The following TMPRSS11A variants were observed in gnomAD, a reference collection of about 807,000 sequenced individuals.
The protein encoded by TMPRSS11A is transmembrane protease serine 11A.
TMPRSS11A carries 53 observed loss-of-function variants against 58.9 expected under a neutral mutation model. That is an observed-to-expected ratio of 0.90 (90% CI 0.72 to 1.13). TMPRSS11A has a LOEUF of 1.13. Among genes scored for constraint, TMPRSS11A ranks in the 50% most tolerant of loss-of-function variants. The pLI, the probability that TMPRSS11A is intolerant of heterozygous loss-of-function variation, is 0.00. For synonymous variants in TMPRSS11A, 167 were observed against 169.8 expected (o/e 0.98, Z 0.13); for missense variants, 493 against 499.3 (o/e 0.99, Z 0.12).
intron 1 of TMPRSS11A, among the ~76,000 whole-genome samples, chr4:67,952,336 T>C (rs1461921715): frequency 6.6e-6 from 1 of 152,206 alleles, no homozygotes; most frequent in Admixed American, 6.5e-5. Context: ...AGATTCTTTT[T>C]CCTTCTTCAG....
intron 1 of TMPRSS11A, among the ~76,000 whole-genome samples, chr4:67,960,718 T>C (rs916904294): frequency 6.6e-5 from 10 of 152,178 alleles, no homozygotes; most frequent in African/African-American, 2.4e-4. Context: ...GAATTGCTCA[T>C]GGCAAATTAA....
chr4:67,928,424 T>G (rs1476158333), intron 5 of TMPRSS11A, among the ~76,000 whole-genome samples: 1 of 152,206 alleles, frequency 6.6e-6, no homozygotes, highest in Non-Finnish European at 1.5e-5. Flanking sequence ...TAAGCTGAAG[T>G]TTAGAAGCTG....
At chr4:67,916,684 G>A (rs1720156096) in intron 8 of TMPRSS11A, among the ~76,000 whole-genome samples, 2 of 152,016 alleles carry the variant, frequency 1.3e-5, no homozygotes, top group South Asian at 2.1e-4. Context: ...ACAATTAGCC[G>A]GGCATGGTGG....
intron 9 of TMPRSS11A, among the ~76,000 whole-genome samples, chr4:67,913,641 G>A (rs1407810039): frequency 6.6e-6 from 1 of 152,100 alleles, no homozygotes; most frequent in Non-Finnish European, 1.5e-5. Context: ...CCGTGGTATG[G>A]ACCTTTTGTT....
chr4:67,918,388 T>C (rs1258339936), intron 8 of TMPRSS11A, among the ~76,000 whole-genome samples: 1 of 152,206 alleles, frequency 6.6e-6, no homozygotes, highest in African/African-American at 2.4e-5. Context: ...CTCTACACTA[T>C]TCTTATTCAC....
In TMPRSS11A at chr4:67,929,992, GA is replaced by G; in HGVS notation, c.368del (p.Phe123SerfsTer9). On this transcript the variant is annotated frameshift_variant, in exon 5 of 10. Transcript: ENST00000508048. LOFTEE classifies it high-confidence loss of function. ...VKVDVIMVFQFPSTEQRAVRE... is the reference protein window; with the variant it reads ...VKVDVIMVFQXPSTEQRAVRE... Reference sequence around the variant, plus strand: ...TTACTGCCCTTTGTTCAGTAGAGGGGAACTGGAACACCATAATGACATCTAC... The same window carrying G: ...TTACTGCCCTTTGTTCAGTAGAGGGGACTGGAACACCATAATGACATCTAC... 1 of 1,613,474 alleles carries G rather than the reference GA, an allele frequency of 6.2e-7. No individual in the cohort carries two copies. Among genetic ancestry groups the G allele is most frequent in the South Asian group, 1.1e-5 (1 of 91,000 alleles).
chr4:67,939,272 T>C, intron 3 of TMPRSS11A, among the ~76,000 whole-genome samples: 1 of 152,210 alleles, frequency 6.6e-6, no homozygotes, highest in East Asian at 1.9e-4. Flanking sequence ...TTTTGTATCC[T>C]GAAACTTTAC....
intron 1 of TMPRSS11A, among the ~76,000 whole-genome samples, chr4:67,950,614 C>A (rs1482676604): frequency 6.6e-6 from 1 of 152,150 alleles, no homozygotes; most frequent in Non-Finnish European, 1.5e-5. Context: ...AGGGGGGAAT[C>A]TTGGGGGCCC....
At chr4:67,911,626 G>C in intron 9 of TMPRSS11A, 123 bp from the exon 10 acceptor site, 1 of 569,382 alleles carries the variant, frequency 1.8e-6, no homozygotes, top group Non-Finnish European at 2.9e-6. Flanking sequence ...TATCAACACA[G>C]AATAATTAAT....
intron 1 of TMPRSS11A, among the ~76,000 whole-genome samples, chr4:67,948,532 A>G (rs1384284291): frequency 6.6e-6 from 1 of 152,206 alleles, no homozygotes; most frequent in Non-Finnish European, 1.5e-5. Context: ...TAAGAAGATA[A>G]TAGTTTTGGC....
intron 3 of TMPRSS11A, among the ~76,000 whole-genome samples, chr4:67,937,116 A>G (rs1485716942): frequency 3.3e-5 from 5 of 152,210 alleles, no homozygotes; most frequent in Admixed American, 2.0e-4. Context: ...TGATAAACTA[A>G]ATAGATTCTC....
At chr4:67,957,695 T>C (rs2109772590) in intron 1 of TMPRSS11A, among the ~76,000 whole-genome samples, 1 of 152,168 alleles carries the variant, frequency 6.6e-6, no homozygotes, top group African/African-American at 2.4e-5. Flanking sequence ...TGAGGAGAAA[T>C]TCAAGCCGGC....
chr4:67,922,121 T>G (rs1053398190), intron 7 of TMPRSS11A, among the ~76,000 whole-genome samples: 1 of 152,220 alleles, frequency 6.6e-6, no homozygotes, highest in Admixed American at 6.5e-5. Flanking sequence ...GATGCTCTAT[T>G]ATGGGAAGGT....
intron 5 of TMPRSS11A, among the ~76,000 whole-genome samples, 171 bp downstream of exon 5, chr4:67,929,709 A>T (rs1213653928): frequency 6.6e-6 from 1 of 152,170 alleles, no homozygotes; most frequent in African/African-American, 2.4e-5. Flanking sequence ...AACTTCAGAC[A>T]TGCTTACGTT....
rs76595722 is a variant in TMPRSS11A, at chr4:67,950,736, G to C, written c.12-4165C>G. 1.4e-4 allele frequency among the ~76,000 whole-genome samples: 22 copies of C among 152,318 alleles called. 1 individual carries two copies. In the East Asian group the frequency reaches 4.1e-3, roughly 28 times the overall value. On this transcript the variant is annotated intron_variant, in intron 1 of 9. Coordinates refer to ENST00000508048, the MANE Select transcript of TMPRSS11A (RefSeq NM_001114387.2). ...TTTAAATATTCTTTTATTTTTGAGGGAGAACTATTCGATGAGAAGGGAATT... is the reference window on the plus strand; with the variant it reads ...TTTAAATATTCTTTTATTTTTGAGGCAGAACTATTCGATGAGAAGGGAATT...
At chr4:67,921,447 C>A (rs896242764) in intron 7 of TMPRSS11A, among the ~76,000 whole-genome samples, 1 of 152,066 alleles carries the variant, frequency 6.6e-6, no homozygotes, top group African/African-American at 2.4e-5. Flanking sequence ...GATCCTCCTG[C>A]GTTAGCCTCC....
chr4:67,959,547 G>A (rs527307897), intron 1 of TMPRSS11A, among the ~76,000 whole-genome samples: 1 of 152,212 alleles, frequency 6.6e-6, no homozygotes, highest in Admixed American at 6.5e-5. Flanking sequence ...GATATGAACA[G>A]ACACTTCTTA....
chr4:67,953,361 T>C lies in TMPRSS11A; in HGVS notation c.12-6790A>G, dbSNP rs191605623. On this transcript the variant is annotated intron_variant, in intron 1 of 9. Transcript: ENST00000508048. ...AGCAGCTTTTCTTAGTTTTTTTTAA[T>C]ATATCTGATAACTAATACAACCCCA... 5.3e-5 allele frequency among the ~76,000 whole-genome samples: 8 copies of C among 152,296 alleles called. 1 individual carries two copies. The highest frequency in any genetic ancestry group is 1.9e-4 in the African/African-American group (8 of 41,542).
rs1464205110 is a variant in TMPRSS11A, at chr4:67,929,941, T to C, written c.420A>G (p.Leu140=). 2.5e-6 allele frequency: 4 copies of C among 1,613,926 alleles called. No homozygotes were observed. The East Asian group carries it at 8.9e-5, about 36-fold the overall frequency. The change falls in exon 5 of 10, where the codon TTA becomes TTG. Residue 140 remains leucine (L), a synonymous_variant. Coordinates refer to ENST00000508048, the MANE Select transcript of TMPRSS11A (RefSeq NM_001114387.2). ...AVREKKIQSI[L]NQKIRNLRAL... is the part of the protein sequence containing the mutation. ...CTCTTAAATTCCTTATCTTCTGATT[T>C]AAGATGCTTTGGATTTTCTTCTCTC... is the stretch of plus-strand genomic sequence containing the variant.
Sources: gnomAD v4.1 joint callset for allele counts (sites outside exome capture counted in the v4.1 genomes callset) on GRCh38, gnomAD v4.1.1 for gene constraint, MANE v1.5 for transcripts, NCBI Gene and HGNC (gene_info 2026-07-23, HGNC 2026-07-21) for gene names.